REEP3: variants seen among roughly 807,000 people sequenced by gnomAD.
REEP3 encodes receptor expression-enhancing protein 3.
Under a neutral mutation model 41.3 loss-of-function variants are expected in REEP3, and 20 were observed. The observed-to-expected ratio is 0.48, with a 90% CI of 0.34 to 0.70. The LOEUF (loss-of-function observed/expected upper bound fraction) is 0.70. Ranked by LOEUF, REEP3 falls within the 30% of genes least tolerant of loss-of-function variation. The pLI is 0.01. For synonymous variants in REEP3, 104 were observed against 101.8 expected, an observed-to-expected ratio of 1.02 and a Z score of -0.13; for missense variants, 271 against 308.8, an observed-to-expected ratio of 0.88 and a Z score of 0.92.
rs570733797 is a variant in REEP3 at position 63,524,940 on chromosome 10, A to C, written c.32+3363A>C. On this transcript the variant is annotated intron_variant, in intron 1 of 7. Transcript: ENST00000373758. ...GGCACTAGAATCACTTGAACCCTGG[A>C]GGCAAAGGTTGCAGTGAGCTGAGAT... is the stretch of plus-strand genomic sequence containing the variant. Among the ~76,000 whole-genome samples the C allele has an allele frequency of 1.4e-4, 22 of 151,886 alleles. No individual in the cohort carries two copies. The East Asian group carries it at 3.1e-3, about 21-fold the overall frequency.
intron 1 of REEP3, among the ~76,000 whole-genome samples, chr10:63,544,643 A>G (rs192967489): frequency 6.6e-6 from 1 of 152,248 alleles, no homozygotes; most frequent in Admixed American, 6.6e-5. Context: ...AGCACTTTAG[A>G]TAAGGAAGGT....
intron 2 of REEP3, among the ~76,000 whole-genome samples, chr10:63,585,730 G>A (rs1956000020): frequency 6.6e-6 from 1 of 151,964 alleles, no homozygotes; most frequent in Non-Finnish European, 1.5e-5. Context: ...ACTGGTCATA[G>A]CATAACAAGT....
At chr10:63,540,922 A>G (rs1194519550) in intron 1 of REEP3, among the ~76,000 whole-genome samples, 1 of 152,098 alleles carries the variant, frequency 6.6e-6, no homozygotes, top group Non-Finnish European at 1.5e-5. Context: ...TATTTTTAAG[A>G]TCCCATTTCT....
intron 2 of REEP3, among the ~76,000 whole-genome samples, chr10:63,582,992 C>CTTTTTTTTTTTTTTTTTTTTTTTT (rs1391434567): frequency 2.6e-5 from 4 of 151,578 alleles, no homozygotes; most frequent in Non-Finnish European, 2.9e-5. Flanking sequence ...AGTTTTTTTT[C>CTTTTTTTTTTTTTTTTTTTTTTTT]TTTTTTGTTT....
chr10:63,589,411 A>G (rs1956036801), intron 2 of REEP3, among the ~76,000 whole-genome samples: 1 of 152,170 alleles, frequency 6.6e-6, no homozygotes, highest in Non-Finnish European at 1.5e-5. Context: ...AGGCTGGATC[A>G]TCTCTGGCCT....
At chr10:63,554,311 G>A (rs1380453940) in intron 1 of REEP3, among the ~76,000 whole-genome samples, 1 of 152,108 alleles carries the variant, frequency 6.6e-6, no homozygotes, top group Non-Finnish European at 1.5e-5. Flanking sequence ...GATGATTGTT[G>A]ATTAAAGACA....
At chr10:63,545,577 G>A (rs1251074912) in intron 1 of REEP3, among the ~76,000 whole-genome samples, 1 of 151,460 alleles carries the variant, frequency 6.6e-6, no homozygotes, top group African/African-American at 2.4e-5. Flanking sequence ...GTTTCACCAC[G>A]TTGGCCAGGA....
chr10:63,521,600 T>A (rs1262312148), intron 1 of REEP3, 23 bp downstream of exon 1: 1 of 1,376,632 alleles, frequency 7.3e-7, no homozygotes, highest in Non-Finnish European at 9.5e-7. Flanking sequence ...CACTGCGCCC[T>A]GCAGCCGGCG....
intron 2 of REEP3, among the ~76,000 whole-genome samples, chr10:63,580,316 T>C (rs1955940388): frequency 6.6e-6 from 1 of 152,088 alleles, no homozygotes; most frequent in African/African-American, 2.4e-5. Context: ...TTGAATTTTT[T>C]CTAGAGACGG....
At chr10:63,567,549 T>A (rs950282254) in intron 2 of REEP3, among the ~76,000 whole-genome samples, 2 of 152,216 alleles carry the variant, frequency 1.3e-5, no homozygotes, top group African/African-American at 4.8e-5. Flanking sequence ...AGTAACATTC[T>A]ACTGTATGGA....
chr10:63,581,573 T>A (rs1198542161), intron 2 of REEP3, among the ~76,000 whole-genome samples: 1 of 152,112 alleles, frequency 6.6e-6, no homozygotes, highest in Non-Finnish European at 1.5e-5. Context: ...AGACTCTGTC[T>A]CTACAGAAAA....
At chr10:63,535,797 A>T (rs73298587) in intron 1 of REEP3, among the ~76,000 whole-genome samples, 4,724 of 152,280 alleles carry the variant, frequency 0.031, 250 homozygotes, top group African/African-American at 0.11. Flanking sequence ...AAAAAAAATT[A>T]AAAAATAAAG....
At chr10:63,615,407 G>C (rs1956304463) in intron 6 of REEP3, among the ~76,000 whole-genome samples, 1 of 152,082 alleles carries the variant, frequency 6.6e-6, no homozygotes, top group South Asian at 2.1e-4. Context: ...GCCCACCTCT[G>C]CTTCCCAAAG....
intron 2 of REEP3, among the ~76,000 whole-genome samples, chr10:63,580,987 G>A (rs1955949142): frequency 6.6e-6 from 1 of 152,132 alleles, no homozygotes; most frequent in Admixed American, 6.5e-5. Flanking sequence ...ACTCCAGCCT[G>A]GGGGACAGAG....
At chr10:63,555,127 A>G (rs551188062) in intron 1 of REEP3, among the ~76,000 whole-genome samples, 2 of 152,328 alleles carry the variant, frequency 1.3e-5, no homozygotes, top group East Asian at 1.9e-4. Context: ...TCCAAGTTTC[A>G]TAGCTTTTGA....
intron 1 of REEP3, among the ~76,000 whole-genome samples, chr10:63,531,878 T>C (rs1955424087): frequency 6.6e-6 from 1 of 152,254 alleles, no homozygotes. Flanking sequence ...ATAAAAATAC[T>C]GTTGCTACTT....
At chr10:63,538,897 C>T (rs1955500540) in intron 1 of REEP3, among the ~76,000 whole-genome samples, 1 of 152,162 alleles carries the variant, frequency 6.6e-6, no homozygotes, top group African/African-American at 2.4e-5. Flanking sequence ...AGACTATCCC[C>T]TTGCTTCCTT....
intron 1 of REEP3, chr10:63,521,909 TCC>T (rs1955265661): frequency 6.7e-6 from 1 of 150,314 alleles, no homozygotes; most frequent in African/African-American, 2.4e-5. Flanking sequence ...CGGCGCGCGC[TCC>T]CCGCTCCTGC....
rs187255185 is a variant in REEP3 at position 63,604,495 on chromosome 10, T to A, written c.417+5212T>A. On this transcript the variant is annotated intron_variant, in intron 5 of 7. Transcript: ENST00000373758. The stretch of plus-strand genomic sequence containing the variant: ...GAATTTCTTTAGCAGATATAAGAAA[T>A]CAGTTACCACAGACTTTTGAGCTTT... Among the ~76,000 whole-genome samples the A allele has an allele frequency of 4.9e-3, 742 of 152,278 alleles. 6 individuals are homozygous for A. The highest frequency in any genetic ancestry group is 7.8e-3 in the Non-Finnish European group (532 of 68,018).
Sources: allele counts gnomAD v4.1 joint callset (sites outside exome capture counted in the v4.1 genomes callset), GRCh38; gene constraint gnomAD v4.1.1; transcripts MANE v1.5; gene names NCBI Gene and HGNC (gene_info 2026-07-23, HGNC 2026-07-21).